The following G3BP2 variants were observed in gnomAD, a reference collection of about 807,000 sequenced individuals.
G3BP2 encodes the protein ras GTPase-activating protein-binding protein 2.
In G3BP2, 11 loss-of-function variants were observed where a neutral mutation model predicts 56.7. The ratio of observed to expected loss-of-function variants is 0.19; its 90% CI spans 0.12 to 0.32. The LOEUF (loss-of-function observed/expected upper bound fraction) is 0.32, where lower values mean the gene tolerates loss of function less well. G3BP2 is among the 10% of genes least tolerant of loss of function. The probability of loss-of-function intolerance (pLI) is 1.00; values close to 1 mark genes in which losing one functional copy is unlikely to be tolerated. For missense variants in G3BP2, 340 were observed against 610.9 expected (o/e 0.56, Z 4.67); for synonymous variants, 165 against 191.6 (o/e 0.86, Z 1.15).
chr4:75,648,584 T>C, intron 9 of G3BP2, 55 bp downstream of exon 9: 1 of 913,424 alleles, frequency 1.1e-6, no homozygotes. Flanking sequence ...TTAAGTTCAG[T>C]CTTTTACAGC....
chr4:75,646,879 C>T (rs1054200698), intron 10 of G3BP2, 150 bp downstream of exon 10: 15 of 556,972 alleles, frequency 2.7e-5, no homozygotes, highest in South Asian at 7.5e-5. Flanking sequence ...AAGTCATCTA[C>T]TCCCTTCTGC....
intron 3 of G3BP2, among the ~76,000 whole-genome samples, chr4:75,709,419 C>CAAAAAAA (rs34603185): frequency 2.1e-5 from 1 of 47,394 alleles, no homozygotes; most frequent in African/African-American, 8.7e-5. Flanking sequence ...GACTCCGTCT[C>CAAAAAAA]AAAAAAAAAA....
At chr4:75,720,548 G>A (rs892942210) in intron 3 of G3BP2, among the ~76,000 whole-genome samples, 4 of 148,788 alleles carry the variant, frequency 2.7e-5, no homozygotes, top group African/African-American at 1.0e-4. Context: ...GGTGGCTCAC[G>A]CACTTTGAGA....
At position 75,716,689 on chromosome 4, in the gene G3BP2, A is replaced by G. The variant is rs1719941271; in HGVS notation, c.-25+4188T>C. On this transcript the variant is annotated intron_variant, in intron 3 of 3. Transcript: ENST00000499709. ...CACCACCATGCCCAGCTAATTTTGT[A>G]TTTTTAGTAGACACGGGGTTTCTCC... 3.3e-5 allele frequency among the ~76,000 whole-genome samples: 5 copies of G among 151,696 alleles called. No homozygotes were observed. In the South Asian group the frequency reaches 1.0e-3, roughly 32 times the overall value.
At chr4:75,658,809 A>C in intron 3 of G3BP2, 34 bp downstream of exon 3, 2 of 1,347,202 alleles carry the variant, frequency 1.5e-6, no homozygotes, top group Non-Finnish European at 2.1e-6. Context: ...TCTTAACACA[A>C]AATTTCTAAA....
At chr4:75,668,473 A>G (rs775749695) in intron 1 of G3BP2, among the ~76,000 whole-genome samples, 1 of 152,224 alleles carries the variant, frequency 6.6e-6, no homozygotes, top group Non-Finnish European at 1.5e-5. Flanking sequence ...AATATAGTGA[A>G]TGGAAATTAT....
At chr4:75,694,955 G>T in intron 3 of G3BP2, 1 of 985,034 alleles carries the variant, frequency 1.0e-6, no homozygotes, top group Non-Finnish European at 1.2e-6. Flanking sequence ...AAGAAAGGCA[G>T]GACTGTGAGA....
At chr4:75,695,974 CAAAA>C (rs397807027) in intron 3 of G3BP2, among the ~76,000 whole-genome samples, 3 of 11,944 alleles carry the variant, frequency 2.5e-4, no homozygotes, top group Non-Finnish European at 4.4e-4. Flanking sequence ...AACTCTGTCT[CAAAA>C]AAAAAAAAAA....
chr4:75,659,758 C>T (rs1224447802), intron 2 of G3BP2, among the ~76,000 whole-genome samples: 1 of 152,174 alleles, frequency 6.6e-6, no homozygotes, highest in East Asian at 1.9e-4. Context: ...ATTAACTCCC[C>T]TAAGGTAATA....
intron 3 of G3BP2, among the ~76,000 whole-genome samples, chr4:75,704,464 T>C (rs1719467451): frequency 6.6e-6 from 1 of 150,432 alleles, no homozygotes; most frequent in Non-Finnish European, 1.5e-5. Context: ...ACCACAGGCT[T>C]GAGCCACCAT....
At chr4:75,686,524 T>C (rs992823735) in intron 3 of G3BP2, among the ~76,000 whole-genome samples, 5 of 124,478 alleles carry the variant, frequency 4.0e-5, no homozygotes, top group African/African-American at 1.2e-4. Flanking sequence ...TTGACATAGC[T>C]GTCCTGGCAG....
Position 75,708,815 on chromosome 4 carries a change from A to T in G3BP2, c.-25+12062T>A, listed in dbSNP as rs115412741. Among the ~76,000 whole-genome samples, 650 of 152,232 alleles carry T rather than the reference A, an allele frequency of 4.3e-3. 7 individuals are homozygous for T. The highest frequency in any genetic ancestry group is 0.015 in the African/African-American group (619 of 41,526). ...GTGAGACTCTCTACAAAAATAAAAAACAAAAATAGCTGGGTCCAGGCACAG... is the reference window on the plus strand; with the variant it reads ...GTGAGACTCTCTACAAAAATAAAAATCAAAAATAGCTGGGTCCAGGCACAG... On this transcript the variant is annotated intron_variant, in intron 3 of 3. Transcript: ENST00000499709.
upstream of G3BP2, among the ~76,000 whole-genome samples, chr4:75,678,320 G>A (rs1287660119): frequency 4.0e-5 from 6 of 151,852 alleles, no homozygotes; most frequent in Admixed American, 3.9e-4. Flanking sequence ...GTGTGTGTGT[G>A]TGTGTGTGTG....
At chr4:75,677,426 C>T (rs1359068329), upstream of G3BP2, among the ~76,000 whole-genome samples, 2 of 152,022 alleles carry the variant, frequency 1.3e-5, no homozygotes, top group African/African-American at 4.8e-5. Flanking sequence ...CAAAAATTAG[C>T]CAGGCATGGT....
At chr4:75,661,274 G>A (rs1010742555) in intron 2 of G3BP2, among the ~76,000 whole-genome samples, 3 of 151,934 alleles carry the variant, frequency 2.0e-5, no homozygotes, top group Admixed American at 6.6e-5. Flanking sequence ...AACTACAGGC[G>A]CCTGCCACAC....
intron 5 of G3BP2, among the ~76,000 whole-genome samples, chr4:75,656,259 T>C (rs995968760): frequency 2.0e-5 from 3 of 151,298 alleles, no homozygotes; most frequent in Non-Finnish European, 4.4e-5. Context: ...CCCAAAACAC[T>C]GGGATTCCGG....
chr4:75,717,272 C>T (rs930789473), intron 3 of G3BP2, among the ~76,000 whole-genome samples: 1 of 152,028 alleles, frequency 6.6e-6, no homozygotes, highest in Non-Finnish European at 1.5e-5. Context: ...CCCATCTCTA[C>T]AATAAAATAA....
intron 10 of G3BP2, 24 bp downstream of exon 10, chr4:75,647,005 C>T: frequency 3.4e-6 from 5 of 1,479,622 alleles, no homozygotes; most frequent in Non-Finnish European, 2.8e-6. Context: ...TTTAAAAACT[C>T]CAACAGCAAA....
At chr4:75,703,606 C>G (rs1212202530) in intron 3 of G3BP2, among the ~76,000 whole-genome samples, 1 of 152,036 alleles carries the variant, frequency 6.6e-6, no homozygotes, top group Non-Finnish European at 1.5e-5. Flanking sequence ...GATTGAGGTC[C>G]CCTCAGCTGG....
Sources: allele counts gnomAD v4.1 joint callset (sites outside exome capture counted in the v4.1 genomes callset), GRCh38; gene constraint gnomAD v4.1.1; transcripts MANE v1.5; gene names NCBI Gene and HGNC (gene_info 2026-07-23, HGNC 2026-07-21).